The following ZBED4 variants were observed in gnomAD, a reference collection of about 807,000 sequenced individuals.
The protein encoded by ZBED4 is zinc finger BED domain-containing protein 4.
In ZBED4, 4 loss-of-function variants were observed where a neutral mutation model predicts 15.5. The observed-to-expected ratio is 0.26, with a 90% confidence interval of 0.13 to 0.59. ZBED4 has a LOEUF of 0.59. Among genes scored for constraint, ZBED4 ranks in the 20% least tolerant of loss-of-function variants. The pLI, the probability that ZBED4 is intolerant of heterozygous loss-of-function variation, is 0.90. For missense variants in ZBED4, 1,323 were observed against 1,461.8 expected (o/e 0.91, Z 1.55); for synonymous variants, 692 against 608.5 (o/e 1.14, Z -2.02).
At chr22:49,872,704 A>T (rs566548950) in intron 1 of ZBED4, among the ~76,000 whole-genome samples, 117 of 144,264 alleles carry the variant, frequency 8.1e-4, no homozygotes, top group African/African-American at 2.8e-3. Flanking sequence ...TAATTTTTAA[A>T]TTTTTTTTTT....
At chr22:49,880,255 C>A (rs977048952) in intron 1 of ZBED4, among the ~76,000 whole-genome samples, 1 of 152,200 alleles carries the variant, frequency 6.6e-6, no homozygotes, top group African/African-American at 2.4e-5. Flanking sequence ...GGTGGAAACA[C>A]AAGCTGTTCC....
At position 49,883,865 on chromosome 22, in the gene ZBED4, G is replaced by A. The variant is rs765668139; in HGVS notation, c.203G>A (p.Cys68Tyr). 1 of 1,607,240 alleles carries A rather than the reference G, an allele frequency of 6.2e-7. No individual in the cohort carries two copies. The highest frequency in any genetic ancestry group is 8.5e-7 in the Non-Finnish European group (1 of 1,174,930). ...RAGLGGTGCS[C>Y]KPPGKYLSAE... ...GGCCTCGGTGGGACGGGTTGCAGCT[G>A]CAAGCCCCCGGGGAAGTACTTGTCT... Residue 68 changes from cysteine to tyrosine, a missense_variant, in exon 2 of 2, where the codon TGC (cysteine) becomes TAC (tyrosine). Cys to Tyr is a radical substitution (Grantham distance 194). This residue lies in a region of ZBED4 where 380 missense variants were observed against 413.7 expected (regional missense o/e 0.92). Transcript: ENST00000216268.
rs545052745 is a variant in ZBED4, at chr22:49,878,219, C to T, written c.-329-5115C>T. On this transcript the variant is annotated intron_variant, in intron 1 of 1. Coordinates refer to ENST00000216268, the MANE Select transcript of ZBED4 (RefSeq NM_014838.3). ...ACTCAGGAGGCTGAGGCAGGAGAAT[C>T]GTTTGAACCCGGGAGGCGGAGGTTA... Among the ~76,000 whole-genome samples, 8 of 146,120 alleles carry T rather than the reference C, an allele frequency of 5.5e-5. No individual in the cohort carries two copies. The South Asian group carries it at 8.6e-4, about 16-fold the overall frequency.
intron 1 of ZBED4, among the ~76,000 whole-genome samples, chr22:49,859,783 T>C (rs1341866910): frequency 6.6e-6 from 1 of 152,226 alleles, no homozygotes; most frequent in East Asian, 1.9e-4. Flanking sequence ...CTCAGCACTT[T>C]GGGAGGCTGA....
chr22:49,862,452 T>C (rs1461771076), intron 1 of ZBED4, among the ~76,000 whole-genome samples: 1 of 152,160 alleles, frequency 6.6e-6, no homozygotes, highest in Non-Finnish European at 1.5e-5. Flanking sequence ...TTTTAAAGTG[T>C]GGCACAGATA....
At chr22:49,879,885 GTCTGGGCCTGTT>G in intron 1 of ZBED4, among the ~76,000 whole-genome samples, 1 of 95,902 alleles carries the variant, frequency 1.0e-5, no homozygotes, top group Non-Finnish European at 2.3e-5. Context: ...CCTGGTCAGT[GTCTGGGCCTGTT>G]TCTATTGGTT....
chr22:49,882,272 G>GT (rs1200304497), intron 1 of ZBED4, among the ~76,000 whole-genome samples: 1 of 152,142 alleles, frequency 6.6e-6, no homozygotes, highest in African/African-American at 2.4e-5. Context: ...TAAGTTTGTG[G>GT]TGGGCGCATT....
chr22:49,877,253 G>A (rs945740204), intron 1 of ZBED4, among the ~76,000 whole-genome samples: 12 of 144,092 alleles, frequency 8.3e-5, no homozygotes, highest in African/African-American at 3.1e-4. Context: ...CAAAAAAACA[G>A]CTTTATTATT....
At chr22:49,870,941 A>T (rs1366045602) in intron 1 of ZBED4, among the ~76,000 whole-genome samples, 1 of 67,448 alleles carries the variant, frequency 1.5e-5, no homozygotes, top group Admixed American at 2.1e-4. Flanking sequence ...TTTAAAAGAT[A>T]GATTTTTTTT....
At position 49,888,611 on chromosome 22, in the gene ZBED4, A is replaced by G. The variant is rs41280553; in HGVS notation, c.*1433A>G. 9.9e-3 allele frequency: 1,665 copies of G among 167,402 alleles called. 16 individuals are homozygous for G. The highest frequency in any genetic ancestry group is 0.068 in the South Asian group (328 of 4,832). 10.4% of individuals were successfully genotyped at this position (167,402 alleles called of 1,614,324 possible). A position where few individuals can be genotyped will look rare whatever the true frequency, so the allele number is the denominator to read the frequency against. ...AATTCTTACAACAACAGTTCTGATC[A>G]TGGCCATGGTGATGACTTTCCAGGT... On this transcript the variant is annotated 3_prime_UTR_variant, in exon 2 of 2. Transcript: ENST00000216268.
At position 49,885,376 on chromosome 22, in the gene ZBED4, G is replaced by A. The variant is rs756748204; in HGVS notation, c.1714G>A (p.Ala572Thr). 2.2e-5 allele frequency: 35 copies of A among 1,594,060 alleles called. No individual in the cohort carries two copies. The highest frequency in any genetic ancestry group is 4.5e-5 in the East Asian group (2 of 44,444). Residue 572 changes from alanine to threonine, a missense_variant, in exon 2 of 2, where the codon GCA becomes ACA. This residue lies in a region of ZBED4 where 429 missense variants were observed against 397.9 expected (regional missense o/e 1.08). Coordinates refer to ENST00000216268, the MANE Select transcript of ZBED4 (RefSeq NM_014838.3). ...KLWNHFSICS[A>T]DSTKVVCLHC... ...GTGGAATCATTTTTCTATTTGCTCC[G>A]CAGACTCCACAAAAGTCGTGTGCTT...
intron 1 of ZBED4, among the ~76,000 whole-genome samples, chr22:49,860,360 C>T (rs1332919142): frequency 6.6e-6 from 1 of 152,122 alleles, no homozygotes; most frequent in Non-Finnish European, 1.5e-5. Flanking sequence ...TTCTTTGATT[C>T]TTAAATTATA....
intron 1 of ZBED4, among the ~76,000 whole-genome samples, chr22:49,882,390 C>G (rs2060413924): frequency 6.6e-6 from 1 of 152,182 alleles, no homozygotes. Context: ...GCACTCCAGC[C>G]TAAGTGACAG....
chr22:49,879,362 G>C (rs888637384), intron 1 of ZBED4, among the ~76,000 whole-genome samples: 3 of 151,632 alleles, frequency 2.0e-5, no homozygotes, highest in Non-Finnish European at 4.4e-5. Context: ...CCTGAGCTCG[G>C]TTGATCCGTC....
chr22:49,854,574 G>T (rs909236545), intron 1 of ZBED4, among the ~76,000 whole-genome samples: 5 of 152,166 alleles, frequency 3.3e-5, no homozygotes, highest in African/African-American at 1.2e-4. Flanking sequence ...AATGTTTTTC[G>T]ACTGCAGTGG....
chr22:49,874,605 C>T (rs1330360245), intron 1 of ZBED4, among the ~76,000 whole-genome samples: 1 of 148,796 alleles, frequency 6.7e-6, no homozygotes, highest in Non-Finnish European at 1.5e-5. Context: ...GATCTCCTGA[C>T]CTCGTGATCC....
At chr22:49,882,807 T>G (rs1205190592) in intron 1 of ZBED4, among the ~76,000 whole-genome samples, 1 of 152,196 alleles carries the variant, frequency 6.6e-6, no homozygotes, top group East Asian at 1.9e-4. Context: ...GGAAGCGGTT[T>G]TCACCCACAG....
rs139237344 is a variant in ZBED4 at position 49,886,674 on chromosome 22, C to G, written c.3012C>G (p.Phe1004Leu). 5 of 1,611,454 alleles carry G rather than the reference C, an allele frequency of 3.1e-6. No individual in the cohort carries two copies. Among genetic ancestry groups the G allele is most frequent in the African/African-American group, 1.3e-5 (1 of 75,016 alleles). Residue 1004 changes from phenylalanine to leucine, a missense_variant, in exon 2 of 2, where the codon TTC (phenylalanine) becomes TTG (leucine). Phe to Leu is a conservative substitution (Grantham distance 22). Around this residue, in one of 6 missense-constraint regions of ZBED4, gnomAD observed 312 missense variants for 410.7 expected, o/e 0.76. Transcript: ENST00000216268. The surrounding 1 kb of genome is among the most constrained non-coding windows in gnomAD (Gnocchi z 7.7). ...SATLHDPRYV[F>L]ATLLDPRYKA... ...CCCTCCACGACCCGCGGTACGTCTTCGCCACGCTGCTGGATCCTCGCTACA... is the reference window on the plus strand; with the variant it reads ...CCCTCCACGACCCGCGGTACGTCTTGGCCACGCTGCTGGATCCTCGCTACA...
chr22:49,882,744 G>A (rs932195927), intron 1 of ZBED4, among the ~76,000 whole-genome samples: 1 of 152,134 alleles, frequency 6.6e-6, no homozygotes, highest in Admixed American at 6.5e-5. Flanking sequence ...ATTCCAGCAC[G>A]GCGCAGCATC....
Sources: allele counts gnomAD v4.1 joint callset (sites outside exome capture counted in the v4.1 genomes callset), GRCh38; gene constraint gnomAD v4.1.1; regional missense constraint gnomAD v4.1.1; non-coding constraint Gnocchi (gnomAD v3.1); transcripts MANE v1.5; gene names NCBI Gene and HGNC (gene_info 2026-07-23, HGNC 2026-07-21).